Variants in AKAP10 observed in about 807,000 individuals in gnomAD.
The protein encoded by AKAP10 is A-kinase anchoring protein 10.
Under a neutral mutation model 80.8 loss-of-function variants are expected in AKAP10, and 24 were observed. The observed-to-expected ratio is 0.30, with a 90% CI of 0.22 to 0.42. The LOEUF (loss-of-function observed/expected upper bound fraction) is 0.42. Ranked by LOEUF, AKAP10 falls within the 10% of genes least tolerant of loss-of-function variation. AKAP10 has a pLI of 1.00. For synonymous variants in AKAP10, 291 were observed against 277.7 expected (o/e 1.05, Z -0.48); for missense variants, 661 against 794.9 (o/e 0.83, Z 2.03).
At chr17:19,935,989 T>G (rs1405199865) in intron 9 of AKAP10, 1 of 222,680 alleles carries the variant, frequency 4.5e-6, no homozygotes, top group African/African-American at 2.3e-5. Context: ...TTAGTTTTTC[T>G]TTTTTCTTTT....
chr17:19,945,135 T>C (rs1028601426), intron 5 of AKAP10, among the ~76,000 whole-genome samples: 1 of 152,210 alleles, frequency 6.6e-6, no homozygotes, highest in African/African-American at 2.4e-5. Flanking sequence ...TTTCTCAAAT[T>C]CTTTGATCAC....
In AKAP10 at chr17:19,931,975, A is replaced by C; in HGVS notation, c.1471T>G (p.Phe491Val). Residue 491 changes from phenylalanine to valine, a missense_variant, in exon 10 of 15, where the codon TTT (phenylalanine) becomes GTT (valine). Phe to Val is a conservative substitution (Grantham distance 50, BLOSUM62 -1). Transcript: ENST00000225737. Reference sequence around the variant, plus strand: ...TTGCTGGACAAAAAGCCAGGCAAAAAGACCTGATAGAGATGAAAAGCATTA... The same window carrying C: ...TTGCTGGACAAAAAGCCAGGCAAAACGACCTGATAGAGATGAAAAGCATTA... ...RQAWTTMEKVFLPGFLSSNLY... is the reference protein window; with the variant it reads ...RQAWTTMEKVVLPGFLSSNLY... 1 of 1,609,326 alleles carries C rather than the reference A, an allele frequency of 6.2e-7. No homozygotes were observed. The highest frequency in any genetic ancestry group is 8.5e-7 in the Non-Finnish European group (1 of 1,178,026).
intron 6 of AKAP10, 89 bp from the exon 7 acceptor site, chr17:19,941,099 T>A: frequency 7.1e-7 from 1 of 1,410,260 alleles, no homozygotes; most frequent in Non-Finnish European, 9.5e-7. Flanking sequence ...CTGTCCCTAT[T>A]GTATCTTAAA....
chr17:19,949,724 C>T (rs995868889), intron 4 of AKAP10, among the ~76,000 whole-genome samples: 10 of 148,350 alleles, frequency 6.7e-5, no homozygotes, highest in African/African-American at 2.3e-4. Context: ...GCCAAGATCA[C>T]GCCACTGCAC....
Position 19,919,921 on chromosome 17 carries a change from A to G in AKAP10, c.1834+115T>C, listed in dbSNP as rs2042791766. On this transcript the variant is annotated intron_variant, in intron 12 of 14. Transcript: ENST00000225737. Reference sequence around the variant, plus strand: ...ACTTCTGACTATAAACACAAGGTGAAAGATACAGTGGTTACTTTACAAAAT... The same window carrying G: ...ACTTCTGACTATAAACACAAGGTGAGAGATACAGTGGTTACTTTACAAAAT... 3.7e-6 allele frequency: 3 copies of G among 800,408 alleles called. No individual in the cohort carries two copies. The Admixed American group carries it at 8.7e-5, about 23-fold the overall frequency. 49.6% of individuals were successfully genotyped at this position (800,408 alleles called of 1,614,324 possible). A position where few individuals can be genotyped will look rare whatever the true frequency, so the allele number is the denominator to read the frequency against.
intron 4 of AKAP10, among the ~76,000 whole-genome samples, chr17:19,955,319 TTC>T (rs2043263225): frequency 6.6e-6 from 1 of 152,166 alleles, no homozygotes; most frequent in African/African-American, 2.4e-5. Flanking sequence ...GGGGCTTGAC[TTC>T]AAAGGTGAAG....
intron 10 of AKAP10, among the ~76,000 whole-genome samples, chr17:19,925,102 C>T (rs1015065530): frequency 2.0e-5 from 3 of 151,948 alleles, no homozygotes; most frequent in African/African-American, 7.2e-5. Context: ...AGATGGAGGT[C>T]GCAGTGAGCC....
intron 9 of AKAP10, among the ~76,000 whole-genome samples, chr17:19,935,681 C>CA (rs1024421008): frequency 6.6e-6 from 1 of 151,830 alleles, no homozygotes; most frequent in African/African-American, 2.4e-5. Context: ...CCTAAGCCTA[C>CA]ACAGGGTCAG....
chr17:19,910,807 A>G (rs1275579009), intron 12 of AKAP10, among the ~76,000 whole-genome samples: 1 of 152,186 alleles, frequency 6.6e-6, no homozygotes, highest in Non-Finnish European at 1.5e-5. Context: ...TGGGTGAGAG[A>G]AGAGTTTCAA....
At chr17:19,922,950 C>T (rs889774163) in intron 11 of AKAP10, among the ~76,000 whole-genome samples, 1 of 152,156 alleles carries the variant, frequency 6.6e-6, no homozygotes, top group African/African-American at 2.4e-5. Flanking sequence ...TACATACACA[C>T]AATTACAGAA....
At chr17:19,946,657 C>CT (rs35156168) in intron 5 of AKAP10, among the ~76,000 whole-genome samples, 20,658 of 111,086 alleles carry the variant, frequency 0.19, 2,001 homozygotes, top group Non-Finnish European at 0.24. Flanking sequence ...ATAAGAAAAA[C>CT]TTTTTTTTTT....
At chr17:19,962,056 C>T (rs1189440927) in intron 3 of AKAP10, among the ~76,000 whole-genome samples, 1 of 152,044 alleles carries the variant, frequency 6.6e-6, no homozygotes, top group Non-Finnish European at 1.5e-5. Flanking sequence ...GTGAAGGCTG[C>T]AGTGAACCAT....
intron 4 of AKAP10, among the ~76,000 whole-genome samples, chr17:19,950,766 G>A (rs983919356): frequency 2.6e-5 from 4 of 152,100 alleles, no homozygotes; most frequent in Middle Eastern, 3.4e-3. Flanking sequence ...CTGCCTAGCC[G>A]CCCATCGTCT....
At chr17:19,952,335 G>A (rs2043225128) in intron 4 of AKAP10, among the ~76,000 whole-genome samples, 1 of 151,842 alleles carries the variant, frequency 6.6e-6, no homozygotes, top group South Asian at 2.1e-4. Flanking sequence ...CATGGTGCGC[G>A]TGCCTGTAAT....
intron 2 of AKAP10, among the ~76,000 whole-genome samples, chr17:19,965,122 C>T (rs1017646937): frequency 1.3e-5 from 2 of 152,228 alleles, no homozygotes; most frequent in African/African-American, 2.4e-5. Context: ...TTTACCATCT[C>T]AAGCACAATC....
At position 19,977,737 on chromosome 17, in the gene AKAP10, G is replaced by C. The variant is rs902270817; in HGVS notation, c.-58C>G. 3.3e-5 allele frequency: 37 copies of C among 1,113,100 alleles called. No individual in the cohort carries two copies. Among genetic ancestry groups the C allele is most frequent in the Non-Finnish European group, 4.1e-5 (36 of 876,910 alleles). The allele number at this position is 1,113,100 out of a possible 1,614,324, so 69.0% of individuals were successfully genotyped here. On this transcript the variant is annotated 5_prime_UTR_variant, in exon 1 of 15. Coordinates refer to ENST00000225737, the MANE Select transcript of AKAP10 (RefSeq NM_007202.4). ...GGGCCGCTGCACTAGCGCGAAAAGG[G>C]ACCCTTCTTCCGGGAGTGGGCCCCA...
intron 2 of AKAP10, among the ~76,000 whole-genome samples, chr17:19,965,558 G>A (rs918623390): frequency 3.3e-5 from 5 of 152,166 alleles, no homozygotes; most frequent in African/African-American, 1.2e-4. Flanking sequence ...CTTGTCTGAA[G>A]GCCCCTTTGC....
rs1190441158 is a variant in AKAP10 at position 19,936,030 on chromosome 17, T to C, written c.1467+256A>G. 6.3e-5 allele frequency: 20 copies of C among 319,464 alleles called. No homozygotes were observed. In the East Asian group the frequency reaches 8.6e-4, roughly 14 times the overall value. 19.8% of individuals were successfully genotyped at this position (319,464 alleles called of 1,614,324 possible). On this transcript the variant is annotated intron_variant, in intron 9 of 14. Transcript: ENST00000225737. Reference sequence around the variant, plus strand: ...TATTAAAATTTATTTTTTCTAACTTTTGTTATTATTGCACTACCAGCTTTG... The same window carrying C: ...TATTAAAATTTATTTTTTCTAACTTCTGTTATTATTGCACTACCAGCTTTG...
intron 14 of AKAP10, among the ~76,000 whole-genome samples, chr17:19,906,527 A>G (rs1409390092): frequency 7.2e-5 from 11 of 152,198 alleles, no homozygotes; most frequent in Admixed American, 7.2e-4. Flanking sequence ...AATATTGCCA[A>G]TTTTCAATAG....
Sources: allele counts gnomAD v4.1 joint callset (sites outside exome capture counted in the v4.1 genomes callset), GRCh38; gene constraint gnomAD v4.1.1; transcripts MANE v1.5; gene names NCBI Gene and HGNC (gene_info 2026-07-23, HGNC 2026-07-21).